MTREX: variants seen among roughly 807,000 people sequenced by gnomAD.
The protein encoded by MTREX is exosome RNA helicase MTR4.
In MTREX, 76 loss-of-function variants were observed where a neutral mutation model predicts 135.4. The ratio of observed to expected loss-of-function variants is 0.56; its 90% CI spans 0.47 to 0.68. MTREX has a LOEUF of 0.68. Among genes scored for constraint, MTREX ranks in the 30% least tolerant of loss-of-function variants. The pLI is 0.00. For synonymous variants in MTREX, 404 were observed against 401.6 expected, an observed-to-expected ratio of 1.01 and a Z score of -0.07; for missense variants, 920 against 1,262.1, an observed-to-expected ratio of 0.73 and a Z score of 4.11.
intron 18 of MTREX, among the ~76,000 whole-genome samples, chr5:55,381,348 T>G (rs1750393971): frequency 6.6e-6 from 1 of 152,206 alleles, no homozygotes; most frequent in African/African-American, 2.4e-5. Flanking sequence ...GGTTATTAAC[T>G]TGAGATACCT....
intron 24 of MTREX, 70 bp from the exon 25 acceptor site, chr5:55,415,900 T>C: frequency 3.5e-6 from 4 of 1,151,096 alleles, no homozygotes; most frequent in Admixed American, 5.9e-5. Flanking sequence ...GAATACTGGC[T>C]TGGAAACCTA....
At chr5:55,422,778 C>T in intron 25 of MTREX, 100 bp from the exon 26 acceptor site, 1 of 814,060 alleles carries the variant, frequency 1.2e-6, no homozygotes, top group Non-Finnish European at 2.0e-6. Context: ...CCTCAAAGTA[C>T]TATTAATTAT....
intron 15 of MTREX, among the ~76,000 whole-genome samples, chr5:55,361,803 G>A (rs1440190391): frequency 1.3e-5 from 2 of 151,766 alleles, no homozygotes; most frequent in African/African-American, 4.8e-5. Flanking sequence ...TTGTTGCCCA[G>A]GCTGATCTCG....
At chr5:55,414,030 GAATT>G in intron 23 of MTREX, 148 bp from the exon 24 acceptor site, 2 of 508,792 alleles carry the variant, frequency 3.9e-6, no homozygotes, top group Non-Finnish European at 3.4e-6. Flanking sequence ...TGTGTAAACT[GAATT>G]GATTAGAAAC....
chr5:55,367,104 T>C (rs1187938809), intron 16 of MTREX, among the ~76,000 whole-genome samples: 1 of 152,242 alleles, frequency 6.6e-6, no homozygotes, highest in African/African-American at 2.4e-5. Context: ...TTTAGTATAA[T>C]TCTTGTCTTG....
At chr5:55,346,605 T>G (rs1749737101) in intron 10 of MTREX, among the ~76,000 whole-genome samples, 1 of 152,246 alleles carries the variant, frequency 6.6e-6, no homozygotes. Context: ...GAACATTTTT[T>G]CATGTGCTTA....
At chr5:55,405,152 A>G (rs555368330) in intron 21 of MTREX, 114 of 235,672 alleles carry the variant, frequency 4.8e-4, no homozygotes, top group African/African-American at 2.4e-3. Context: ...CTCTGCCTCA[A>G]ATTTTTCAAA....
intron 18 of MTREX, among the ~76,000 whole-genome samples, chr5:55,380,005 G>A (rs1750369164): frequency 6.6e-6 from 1 of 151,986 alleles, no homozygotes; most frequent in Admixed American, 6.5e-5. Flanking sequence ...GCACGATCTC[G>A]GCTCACTGCA....
chr5:55,347,116 T>G lies in MTREX; in HGVS notation c.1212T>G (p.Leu404=). 6.2e-7 allele frequency: 1 copy of G among 1,605,350 alleles called. No individual in the cohort carries two copies. The highest frequency in any genetic ancestry group is 8.5e-7 in the Non-Finnish European group (1 of 1,176,560). Residue 404 remains leucine (L), a synonymous_variant, in exon 11 of 27, where the codon CTT becomes CTG. Coordinates refer to ENST00000230640, the MANE Select transcript of MTREX (RefSeq NM_015360.5). The stretch of plus-strand genomic sequence containing the variant: ...AGAAAGATTGTGAAGCCTATGCACT[T>G]CAAATGACCAAATTAGATTTCAACA... ...FSKKDCEAYA[L]QMTKLDFNTD...
intron 19 of MTREX, among the ~76,000 whole-genome samples, chr5:55,389,151 G>T (rs780293890): frequency 4.6e-5 from 7 of 152,106 alleles, no homozygotes; most frequent in Admixed American, 2.6e-4. Context: ...AGTGAAACTT[G>T]TGTGATTTTT....
chr5:55,383,684 A>G (rs1750433627), intron 18 of MTREX, among the ~76,000 whole-genome samples: 1 of 152,052 alleles, frequency 6.6e-6, no homozygotes, highest in Non-Finnish European at 1.5e-5. Flanking sequence ...CCTTTATCCT[A>G]CTTGTACTTT....
At chr5:55,363,830 T>G (rs965070656) in intron 15 of MTREX, among the ~76,000 whole-genome samples, 2 of 152,242 alleles carry the variant, frequency 1.3e-5, no homozygotes, top group Non-Finnish European at 2.9e-5. Context: ...AAAACTGTTA[T>G]GAATGTTGTG....
At chr5:55,346,662 ATTG>A (rs1300565468) in intron 10 of MTREX, among the ~76,000 whole-genome samples, 1 of 151,670 alleles carries the variant, frequency 6.6e-6, no homozygotes, top group Non-Finnish European at 1.5e-5. Context: ...ATGTTTTTTT[ATTG>A]TTGTTGTTGA....
chr5:55,399,633 G>A (rs193191615), intron 20 of MTREX, among the ~76,000 whole-genome samples: 3 of 151,972 alleles, frequency 2.0e-5, no homozygotes, highest in Admixed American at 1.3e-4. Flanking sequence ...GACTACAGGC[G>A]CCCACCACCA....
At chr5:55,399,048 T>G (rs1342773692) in intron 20 of MTREX, among the ~76,000 whole-genome samples, 1 of 152,204 alleles carries the variant, frequency 6.6e-6, no homozygotes, top group Non-Finnish European at 1.5e-5. Context: ...TTTTAGTGTT[T>G]TCTCTGTTCT....
chr5:55,415,854 C>A, intron 24 of MTREX, 116 bp from the exon 25 acceptor site: 1 of 639,706 alleles, frequency 1.6e-6, no homozygotes, highest in Non-Finnish European at 2.6e-6. Context: ...GTCCACATTG[C>A]AGACATAATA....
chr5:55,321,625 T>C (rs924588354), intron 1 of MTREX, among the ~76,000 whole-genome samples: 162 of 149,954 alleles, frequency 1.1e-3, no homozygotes, highest in African/African-American at 3.8e-3. Flanking sequence ...TTTTTTTTTT[T>C]CCTGAGACAG....
At chr5:55,419,268 A>AT (rs1258533301) in intron 25 of MTREX, among the ~76,000 whole-genome samples, 4 of 152,200 alleles carry the variant, frequency 2.6e-5, no homozygotes, top group Non-Finnish European at 5.9e-5. Context: ...TGCAAACCAT[A>AT]TTTGTTCCTA....
intron 5 of MTREX, among the ~76,000 whole-genome samples, chr5:55,330,500 C>G (rs1407071729): frequency 6.6e-6 from 1 of 150,852 alleles, no homozygotes; most frequent in Non-Finnish European, 1.5e-5. Flanking sequence ...TATAGAAATC[C>G]TAACTGCTTG....
Sources: gnomAD v4.1 joint callset for allele counts (sites outside exome capture counted in the v4.1 genomes callset) on GRCh38, gnomAD v4.1.1 for gene constraint, MANE v1.5 for transcripts, NCBI Gene and HGNC (gene_info 2026-07-23, HGNC 2026-07-21) for gene names.